Variants in WDR37 observed in about 807,000 individuals in gnomAD.
WDR37 encodes WD repeat domain 37.
WDR37 carries 19 observed loss-of-function variants against 62.9 expected under a neutral mutation model. That is an observed-to-expected ratio of 0.30 (90% CI 0.21 to 0.44). The LOEUF (loss-of-function observed/expected upper bound fraction) is 0.44. Among genes scored for constraint, WDR37 ranks in the 20% least tolerant of loss-of-function variants. WDR37 has a pLI of 1.00. For synonymous variants in WDR37, 250 were observed against 260.9 expected (o/e 0.96, Z 0.40); for missense variants, 474 against 657.6 (o/e 0.72, Z 3.05).
chr10:1,075,362 A>G (rs1201393170), intron 2 of WDR37, among the ~76,000 whole-genome samples: 1 of 151,386 alleles, frequency 6.6e-6, no homozygotes, highest in African/African-American at 2.4e-5. Flanking sequence ...TACATGTGCC[A>G]AGGTGGTTTG....
intron 11 of WDR37, among the ~76,000 whole-genome samples, chr10:1,110,484 A>C (rs1835178191): frequency 1.3e-5 from 2 of 152,238 alleles, no homozygotes; most frequent in Non-Finnish European, 2.9e-5. Flanking sequence ...AGAGTGCGTG[A>C]TCCTTACAAA....
chr10:1,086,469 C>T (rs780441110), intron 7 of WDR37, 112 bp downstream of exon 7: 74 of 811,696 alleles, frequency 9.1e-5, no homozygotes, highest in Non-Finnish European at 1.2e-4. Flanking sequence ...CTTACTGTTT[C>T]GGTTGTCAGG....
intron 1 of WDR37, among the ~76,000 whole-genome samples, chr10:1,061,275 A>G (rs1833364251): frequency 6.6e-6 from 1 of 152,112 alleles, no homozygotes; most frequent in African/African-American, 2.4e-5. Flanking sequence ...TCTATTTTAG[A>G]TTCCATGGTA....
rs1333865177 is a variant in WDR37, at chr10:1,105,799, T to C, written c.1103+532T>C. On this transcript the variant is annotated intron_variant, in intron 11 of 13. Coordinates refer to ENST00000263150, the MANE Select transcript of WDR37 (RefSeq NM_014023.4). The surrounding 1 kb of genome is among the most constrained non-coding windows in gnomAD (Gnocchi z 5.3). Reference sequence around the variant, plus strand: ...GGCAACTCAAGTGTAAGGTCTTTTTTTTCTGAGACGGAGTCTCGCTCTGTC... The same window carrying C: ...GGCAACTCAAGTGTAAGGTCTTTTTCTTCTGAGACGGAGTCTCGCTCTGTC... 2.0e-5 allele frequency among the ~76,000 whole-genome samples: 3 copies of C among 152,062 alleles called. No homozygotes were observed. The highest frequency in any genetic ancestry group is 7.2e-5 in the African/African-American group (3 of 41,402).
chr10:1,108,547 C>G (rs1193208016), intron 11 of WDR37, among the ~76,000 whole-genome samples: 1 of 152,216 alleles, frequency 6.6e-6, no homozygotes, highest in Non-Finnish European at 1.5e-5. Flanking sequence ...GTTAATTCCC[C>G]AGTGACCTTT....
chr10:1,069,369 G>GAA (rs1833649886), intron 1 of WDR37, among the ~76,000 whole-genome samples: 1 of 37,634 alleles, frequency 2.7e-5, no homozygotes, highest in African/African-American at 9.8e-5. Flanking sequence ...AAATTGGAAA[G>GAA]AATATATATA....
At chr10:1,069,389 A>ATATATATATTTTTTT in intron 1 of WDR37, among the ~76,000 whole-genome samples, 2 of 95,806 alleles carry the variant, frequency 2.1e-5, no homozygotes, top group African/African-American at 9.4e-5. Context: ...ATATATATAT[A>ATATATATATTTTTTT]TTTTTTTTTT....
In WDR37 at chr10:1,080,480, T is replaced by C; in HGVS notation, c.396+4T>C. 1 of 1,614,182 alleles carries C rather than the reference T, an allele frequency of 6.2e-7. No individual in the cohort carries two copies. Among genetic ancestry groups the C allele is most frequent in the Non-Finnish European group, 8.5e-7 (1 of 1,180,020 alleles). On this transcript the variant is annotated splice_donor_region_variant and intron_variant, in intron 5 of 13. Coordinates refer to ENST00000263150, the MANE Select transcript of WDR37 (RefSeq NM_014023.4). ...TTACAAGGCTTCCACCAGCAAGGTA[T>C]GCAGGCCACTGGCTCTTGAGCCATC...
chr10:1,068,462 CAAAA>C lies in WDR37; in HGVS notation c.-40-3650_-40-3647del, dbSNP rs921741440. Reference sequence around the variant, plus strand: ...ACAGCGAGACTCTGTCTCAAAAAAACAAAAAAACAAACAGTGTTTTACTGGGGTG... The same window carrying C: ...ACAGCGAGACTCTGTCTCAAAAAAACAAACAAACAGTGTTTTACTGGGGTG... On this transcript the variant is annotated intron_variant, in intron 1 of 13. Coordinates refer to ENST00000263150, the MANE Select transcript of WDR37 (RefSeq NM_014023.4). Among the ~76,000 whole-genome samples, 16 of 151,944 alleles carry C rather than the reference CAAAA, an allele frequency of 1.1e-4. No homozygotes were observed. The South Asian group carries it at 1.2e-3, about 12-fold the overall frequency.
intron 11 of WDR37, among the ~76,000 whole-genome samples, chr10:1,110,576 C>T (rs1026201709): frequency 9.2e-5 from 14 of 152,198 alleles, no homozygotes; most frequent in African/African-American, 3.4e-4. Flanking sequence ...TGTGCGTCCG[C>T]GCCCCAGCAC....
intron 1 of WDR37, among the ~76,000 whole-genome samples, chr10:1,058,667 A>G (rs1251129528): frequency 6.6e-6 from 1 of 152,216 alleles, no homozygotes; most frequent in Non-Finnish European, 1.5e-5. Context: ...CCATGCCTTC[A>G]TTTCGTCAAT....
At chr10:1,081,996 C>T (rs1183308996) in intron 5 of WDR37, among the ~76,000 whole-genome samples, 1 of 152,026 alleles carries the variant, frequency 6.6e-6, no homozygotes, top group Non-Finnish European at 1.5e-5. Flanking sequence ...ATATTTAAAG[C>T]CCAGTCATTT....
chr10:1,093,570 C>G (rs147101860), intron 8 of WDR37, 74 bp downstream of exon 8: 29 of 1,225,698 alleles, frequency 2.4e-5, no homozygotes, highest in Non-Finnish European at 3.1e-5. Context: ...CCTTTCTTAT[C>G]GTAGCAGAAT....
chr10:1,074,807 T>C (rs1833820666), intron 2 of WDR37, among the ~76,000 whole-genome samples: 1 of 152,270 alleles, frequency 6.6e-6, no homozygotes, highest in Non-Finnish European at 1.5e-5. Flanking sequence ...GGTTTAACTT[T>C]ATACATCTCA....
chr10:1,085,011 G>A (rs997312045), intron 6 of WDR37, among the ~76,000 whole-genome samples: 1 of 152,252 alleles, frequency 6.6e-6, no homozygotes, highest in African/African-American at 2.4e-5. Context: ...GCCCAGGCTG[G>A]AGTGCAGTGG....
At chr10:1,067,754 A>C (rs1019860745) in intron 1 of WDR37, among the ~76,000 whole-genome samples, 3 of 152,204 alleles carry the variant, frequency 2.0e-5, no homozygotes, top group African/African-American at 7.2e-5. Context: ...TGACAAAGGG[A>C]TGCCTGCACT....
chr10:1,097,312 C>T (rs1291264360), intron 9 of WDR37, among the ~76,000 whole-genome samples: 1 of 152,180 alleles, frequency 6.6e-6, no homozygotes, highest in Non-Finnish European at 1.5e-5. Flanking sequence ...TAAGCACCCA[C>T]CGCAGCAGGA....
At chr10:1,059,658 C>T (rs1003819188) in intron 1 of WDR37, among the ~76,000 whole-genome samples, 3 of 151,734 alleles carry the variant, frequency 2.0e-5, no homozygotes, top group East Asian at 2.0e-4. Flanking sequence ...ATTAGCCAGG[C>T]GTGGTGGTGG....
At chr10:1,079,866 G>C (rs1321584317) in intron 3 of WDR37, 145 bp from the exon 4 acceptor site, 2 of 636,938 alleles carry the variant, frequency 3.1e-6, no homozygotes, top group Non-Finnish European at 5.3e-6. Context: ...TATGAATTGT[G>C]ATCTTGCTTA....
Sources: gnomAD v4.1 joint callset for allele counts (sites outside exome capture counted in the v4.1 genomes callset) on GRCh38, gnomAD v4.1.1 for gene constraint, Gnocchi (gnomAD v3.1) non-coding constraint, MANE v1.5 for transcripts, NCBI Gene and HGNC (gene_info 2026-07-23, HGNC 2026-07-21) for gene names.